ELAVL2: variants seen among roughly 807,000 people sequenced by gnomAD.
The protein encoded by ELAVL2 is ELAV like RNA binding protein 2.
ELAVL2 carries 4 observed loss-of-function variants against 34.6 expected under a neutral mutation model. The ratio of observed to expected loss-of-function variants is 0.12; its 90% CI spans 0.06 to 0.26. The LOEUF (loss-of-function observed/expected upper bound fraction) is 0.26, where lower values mean the gene tolerates loss of function less well. ELAVL2 is among the 10% of genes least tolerant of loss of function. The pLI, the probability that ELAVL2 is intolerant of heterozygous loss-of-function variation, is 1.00. For synonymous variants in ELAVL2, 193 were observed against 154.8 expected (o/e 1.25, Z -1.83); for missense variants, 432 against 442.8 (o/e 0.98, Z 0.22).
chr9:23,743,938 TAACTTCTATACACAG>T (rs1462085449), intron 2 of ELAVL2, among the ~76,000 whole-genome samples: 1 of 152,222 alleles, frequency 6.6e-6, no homozygotes, highest in Non-Finnish European at 1.5e-5. Context: ...ATGTGGGAAG[TAACTTCTATACACAG>T]AGCTTCTCAG....
rs149501478 is a variant in ELAVL2, at chr9:23,786,855, A to C, written c.-15-24606T>G. 1.8e-3 allele frequency among the ~76,000 whole-genome samples: 270 copies of C among 151,822 alleles called. 2 individuals are homozygous for C. The highest frequency in any genetic ancestry group is 0.014 in the Admixed American group (216 of 15,254). On this transcript the variant is annotated intron_variant, in intron 1 of 6. Coordinates refer to ENST00000397312, the MANE Select transcript of ELAVL2 (RefSeq NM_004432.5). ...AAAAATCTAAGCCACTGGAATTTTA[A>C]AGTGACACCCACATGACCCAGTTTA...
chr9:23,721,758 C>T (rs2043794035), intron 3 of ELAVL2, among the ~76,000 whole-genome samples: 1 of 152,214 alleles, frequency 6.6e-6, no homozygotes, highest in Admixed American at 6.5e-5. Context: ...TCCACTTCCA[C>T]TTAATGAACA....
At chr9:23,731,690 A>G (rs1267251270) in intron 2 of ELAVL2, among the ~76,000 whole-genome samples, 2 of 152,186 alleles carry the variant, frequency 1.3e-5, no homozygotes, top group African/African-American at 4.8e-5. Flanking sequence ...AATACACTCA[A>G]TCAAATTTCT....
intron 2 of ELAVL2, among the ~76,000 whole-genome samples, chr9:23,749,311 G>C (rs1315680394): frequency 2.6e-5 from 4 of 152,024 alleles, no homozygotes; most frequent in Non-Finnish European, 4.4e-5. Flanking sequence ...AAATTCAAGT[G>C]ACTAGTGTAA....
chr9:23,760,446 G>A (rs2054706585), intron 2 of ELAVL2, among the ~76,000 whole-genome samples: 1 of 151,808 alleles, frequency 6.6e-6, no homozygotes, highest in Admixed American at 6.6e-5. Context: ...TATTAAAAAG[G>A]TTGCAAAATC....
intron 1 of ELAVL2, among the ~76,000 whole-genome samples, chr9:23,771,165 C>CCA (rs2057238248): frequency 6.6e-6 from 1 of 152,118 alleles, no homozygotes; most frequent in Non-Finnish European, 1.5e-5. Context: ...ACAGTGACTC[C>CCA]CACCAGGGTG....
intron 3 of ELAVL2, among the ~76,000 whole-genome samples, chr9:23,730,646 T>G (rs940379244): frequency 6.6e-6 from 1 of 152,152 alleles, no homozygotes; most frequent in Non-Finnish European, 1.5e-5. Context: ...GTTGAGAAGT[T>G]GTGACAGAAT....
At chr9:23,704,876 T>C (rs1438190551) in intron 4 of ELAVL2, 42 bp downstream of exon 4, 17 of 1,607,952 alleles carry the variant, frequency 1.1e-5, no homozygotes, top group Non-Finnish European at 1.4e-5. Flanking sequence ...AATCTGCTAG[T>C]CAGAGACAGG....
At chr9:23,703,807 A>C (rs760053914) in intron 4 of ELAVL2, among the ~76,000 whole-genome samples, 1 of 152,306 alleles carries the variant, frequency 6.6e-6, no homozygotes, top group East Asian at 1.9e-4. Context: ...AAACAAAAAC[A>C]ACCTCACAAA....
intron 2 of ELAVL2, among the ~76,000 whole-genome samples, chr9:23,749,852 T>C (rs1004524982): frequency 2.0e-5 from 3 of 151,984 alleles, no homozygotes; most frequent in African/African-American, 7.3e-5. Flanking sequence ...AGACCTTCTT[T>C]CATTATAATC....
At chr9:23,838,777 G>A in the ELAVL2 span, among the ~76,000 whole-genome samples, 2 of 152,004 alleles carry the variant, frequency 1.3e-5, no homozygotes, top group African/African-American at 2.4e-5. Context: ...AACCCTTAAA[G>A]TGATTTGCTT....
At chr9:23,726,084 A>C (rs555676169) in intron 3 of ELAVL2, among the ~76,000 whole-genome samples, 1 of 152,138 alleles carries the variant, frequency 6.6e-6, no homozygotes, top group African/African-American at 2.4e-5. Flanking sequence ...CAGAAAAAAA[A>C]AAGTATAAAT....
At chr9:23,832,031 T>G in the ELAVL2 span, among the ~76,000 whole-genome samples, 1 of 152,210 alleles carries the variant, frequency 6.6e-6, no homozygotes. Context: ...ACCAATCTGG[T>G]ATAAAAGGGA....
At chr9:23,756,515 A>G (rs2053591223) in intron 2 of ELAVL2, among the ~76,000 whole-genome samples, 1 of 152,126 alleles carries the variant, frequency 6.6e-6, no homozygotes, top group Non-Finnish European at 1.5e-5. Flanking sequence ...AATAACAGTG[A>G]AAGAACAATC....
chr9:23,725,201 T>C (rs1554686235), intron 3 of ELAVL2, among the ~76,000 whole-genome samples: 1 of 152,126 alleles, frequency 6.6e-6, no homozygotes, highest in Non-Finnish European at 1.5e-5. Context: ...CTCAAAACCC[T>C]CCGGTGCCCC....
intron 1 of ELAVL2, among the ~76,000 whole-genome samples, chr9:23,815,849 G>C (rs967111592): frequency 6.6e-6 from 1 of 152,128 alleles, no homozygotes; most frequent in Admixed American, 6.5e-5. Context: ...TTATGTGTGT[G>C]ATTATTTGTT....
At chr9:23,701,037 T>G (rs755306430) in intron 5 of ELAVL2, among the ~76,000 whole-genome samples, 2 of 152,108 alleles carry the variant, frequency 1.3e-5, no homozygotes, top group Non-Finnish European at 2.9e-5. Flanking sequence ...CTTAGCAGCA[T>G]CCCCGACCTC....
At chr9:23,739,715 A>C (rs1286500120) in intron 2 of ELAVL2, among the ~76,000 whole-genome samples, 1 of 152,112 alleles carries the variant, frequency 6.6e-6, no homozygotes, top group Non-Finnish European at 1.5e-5. Context: ...GGTAGTAAAA[A>C]GGGCATCTGC....
At chr9:23,743,356 T>C (rs145024406) in intron 2 of ELAVL2, among the ~76,000 whole-genome samples, 20 of 152,132 alleles carry the variant, frequency 1.3e-4, no homozygotes, top group African/African-American at 4.8e-4. Flanking sequence ...CATCCAAAAG[T>C]TGAAGTGATT....
Sources: allele counts gnomAD v4.1 joint callset (sites outside exome capture counted in the v4.1 genomes callset), GRCh38; gene constraint gnomAD v4.1.1; transcripts MANE v1.5; gene names NCBI Gene and HGNC (gene_info 2026-07-23, HGNC 2026-07-21).